ACSM2A: variants seen among roughly 807,000 people sequenced by gnomAD.
The protein encoded by ACSM2A is acyl-CoA synthetase medium chain family member 2A.
ACSM2A carries 72 observed loss-of-function variants against 76.6 expected under a neutral mutation model. The ratio of observed to expected loss-of-function variants is 0.94; its 90% CI spans 0.78 to 1.14. The LOEUF is 1.14. Ranked by LOEUF, ACSM2A falls within the 50% of genes most tolerant of loss-of-function variation. The pLI is 0.00. For missense variants in ACSM2A, 684 were observed against 708.5 expected, an observed-to-expected ratio of 0.97 and a Z score of 0.39; for synonymous variants, 249 against 255.9, an observed-to-expected ratio of 0.97 and a Z score of 0.26.
chr16:20,464,873 A>G (rs1196537106), intron 2 of ACSM2A, among the ~76,000 whole-genome samples: 1 of 152,192 alleles, frequency 6.6e-6, no homozygotes, highest in Non-Finnish European at 1.5e-5. Flanking sequence ...TGATTGTTGC[A>G]TAACAATGAG....
intron 1 of ACSM2A, among the ~76,000 whole-genome samples, chr16:20,457,568 T>G (rs2012263158): frequency 6.6e-6 from 1 of 152,034 alleles, no homozygotes; most frequent in Non-Finnish European, 1.5e-5. Context: ...AAAAATCAAA[T>G]TATTATCTCA....
At chr16:20,483,521 G>C (rs867521600) in intron 13 of ACSM2A, among the ~76,000 whole-genome samples, 1 of 122,650 alleles carries the variant, frequency 8.2e-6, no homozygotes, top group Non-Finnish European at 1.6e-5. Context: ...AGTGAGCCGA[G>C]ATTGTGCCAC....
intron 1 of ACSM2A, among the ~76,000 whole-genome samples, chr16:20,454,694 C>G (rs2012017196): frequency 6.6e-6 from 1 of 151,900 alleles, no homozygotes; most frequent in Non-Finnish European, 1.5e-5. Context: ...TCTAACATAG[C>G]CTACCCAAAT....
At position 20,476,630 on chromosome 16, in the gene ACSM2A, T is replaced by A. The variant is rs543159167; in HGVS notation, c.1099-739T>A. The A allele has an allele frequency of 1.6e-5, 16 of 985,866 alleles. 1 individual carries two copies. In the South Asian group the frequency reaches 4.7e-4, roughly 29 times the overall value. 61.1% of individuals were successfully genotyped at this position (985,866 alleles called of 1,614,324 possible). A position where few individuals can be genotyped will look rare whatever the true frequency, so the allele number is the denominator to read the frequency against. ...TACAAGGACACTCAGGTTCCCATGA[T>A]CTTAATCACTCAGCAGCCTCTCTTC... On this transcript the variant is annotated intron_variant, in intron 8 of 13. Transcript: ENST00000573854.
intron 13 of ACSM2A, 53 bp from the exon 14 acceptor site, chr16:20,486,521 C>T: frequency 1.3e-6 from 2 of 1,598,008 alleles, no homozygotes; most frequent in African/African-American, 1.3e-5. Flanking sequence ...CTGAAAAATG[C>T]AACCCACTGT....
At chr16:20,452,010 G>C (rs1279279076) in intron 1 of ACSM2A, 1 of 150,976 alleles carries the variant, frequency 6.6e-6, no homozygotes, top group East Asian at 2.0e-4. Flanking sequence ...AAAAAGAGAG[G>C]GACCAGCAGG....
intron 2 of ACSM2A, among the ~76,000 whole-genome samples, chr16:20,463,592 G>A (rs928526487): frequency 3.3e-5 from 5 of 152,042 alleles, no homozygotes; most frequent in African/African-American, 1.2e-4. Flanking sequence ...TTCCATGGCT[G>A]TAATCTTCCT....
chr16:20,470,932 T>C (rs890182843), intron 4 of ACSM2A, 141 bp from the exon 5 acceptor site: 29 of 1,220,390 alleles, frequency 2.4e-5, no homozygotes, highest in Non-Finnish European at 3.2e-5. Context: ...CCCATGATCT[T>C]AATCACTCAG....
Position 20,471,109 on chromosome 16 carries a change from A to G in ACSM2A, c.633A>G (p.Gly211=). The stretch of plus-strand genomic sequence containing the variant: ...CCACTCATCACTGTGTGGAGACTGG[A>G]AGCCAGGAAGCATCTGCCATCTACT... ...ASTTHHCVET[G]SQEASAIYFT... is the part of the protein sequence containing the mutation. The change falls in exon 5 of 14, where the codon GGA becomes GGG. Residue 211 remains glycine (G), a synonymous_variant. Transcript: ENST00000573854. 6.2e-7 allele frequency: 1 copy of G among 1,613,682 alleles called. No homozygotes were observed. Among genetic ancestry groups the G allele is most frequent in the Non-Finnish European group, 8.5e-7 (1 of 1,179,690 alleles).
chr16:20,469,428 C>T (rs2013229821), intron 3 of ACSM2A, 84 bp from the exon 4 acceptor site: 1 of 1,584,562 alleles, frequency 6.3e-7, no homozygotes, highest in African/African-American at 1.4e-5. Flanking sequence ...TCCCCACTTG[C>T]TCGCTGCTTG....
chr16:20,463,808 C>G (rs1244079536), intron 2 of ACSM2A, among the ~76,000 whole-genome samples: 1 of 152,278 alleles, frequency 6.6e-6, no homozygotes, highest in Non-Finnish European at 1.5e-5. Context: ...CTTGGCATGT[C>G]TTCAAGGTTT....
Position 20,480,863 on chromosome 16 carries a change from A to C in ACSM2A, c.1451A>C (p.Glu484Ala), listed in dbSNP as rs753611954. 1 of 1,613,916 alleles carries C rather than the reference A, an allele frequency of 6.2e-7. No individual in the cohort carries two copies. Among genetic ancestry groups the C allele is most frequent in the South Asian group, 1.1e-5 (1 of 91,062 alleles). ...TCGGAGGTAGAGAATGCACTGATGG[A>C]GCACCCTGCTGTGGTTGAGACGGCT... Reference protein sequence around the residue: ...GPSEVENALMEHPAVVETAVI... With the variant: ...GPSEVENALMAHPAVVETAVI... Residue 484 changes from glutamate to alanine, a missense_variant, in exon 12 of 14, where the codon GAG (glutamate) becomes GCG (alanine). By Grantham distance (107) the Glu-to-Ala change is moderately radical (BLOSUM62 -1). Transcript: ENST00000573854.
chr16:20,464,426 C>T (rs953806865), intron 2 of ACSM2A, among the ~76,000 whole-genome samples: 4 of 152,152 alleles, frequency 2.6e-5, no homozygotes, highest in Non-Finnish European at 5.9e-5. Context: ...AAGTGTGGTG[C>T]TGGCATCTGC....
rs771251674 is a variant in ACSM2A, at chr16:20,483,229, C to T, written c.1629+52C>T. Reference sequence around the variant, plus strand: ...TCAAACTTGAGAAATAGATTGTTTTCCTGTTATATTTATCTTCTTCAGGAG... The same window carrying T: ...TCAAACTTGAGAAATAGATTGTTTTTCTGTTATATTTATCTTCTTCAGGAG... On this transcript the variant is annotated intron_variant, in intron 13 of 13. Coordinates refer to ENST00000573854, the MANE Select transcript of ACSM2A (RefSeq NM_001308172.2). The T allele has an allele frequency of 3.7e-6, 6 of 1,602,048 alleles. No individual in the cohort carries two copies. The East Asian group carries it at 1.3e-4, about 36-fold the overall frequency.
intron 13 of ACSM2A, among the ~76,000 whole-genome samples, chr16:20,486,067 A>C (rs1003259038): frequency 6.6e-6 from 1 of 152,264 alleles, no homozygotes; most frequent in Admixed American, 6.5e-5. Flanking sequence ...TAATTCTTAG[A>C]TGTCTAAAGA....
At chr16:20,457,713 T>A (rs1324893483) in intron 1 of ACSM2A, among the ~76,000 whole-genome samples, 2 of 152,076 alleles carry the variant, frequency 1.3e-5, no homozygotes, top group East Asian at 3.9e-4. Context: ...AACATAATAG[T>A]GAATGGGGAA....
At chr16:20,470,794 C>T in intron 4 of ACSM2A, 2 of 605,744 alleles carry the variant, frequency 3.3e-6, no homozygotes, top group South Asian at 3.0e-5. Flanking sequence ...CTCTATAAGA[C>T]TTGATCTCAC....
intron 10 of ACSM2A, among the ~76,000 whole-genome samples, chr16:20,479,936 G>A (rs1187465706): frequency 2.0e-5 from 3 of 152,196 alleles, no homozygotes; most frequent in East Asian, 1.9e-4. Context: ...CCCAATGATA[G>A]AGTGAGGCTA....
chr16:20,481,058 C>A (rs1229558922), intron 12 of ACSM2A, 137 bp downstream of exon 12: 14 of 1,130,746 alleles, frequency 1.2e-5, no homozygotes, highest in Non-Finnish European at 1.6e-5. Context: ...AGCTATGTGA[C>A]CTTGGGCAAG....
Sources: allele counts gnomAD v4.1 joint callset (sites outside exome capture counted in the v4.1 genomes callset), GRCh38; gene constraint gnomAD v4.1.1; transcripts MANE v1.5; gene names NCBI Gene and HGNC (gene_info 2026-07-23, HGNC 2026-07-21).